TEX14: variants seen among roughly 807,000 people sequenced by gnomAD.
TEX14 encodes inactive serine/threonine-protein kinase TEX14.
TEX14 carries 168 observed loss-of-function variants against 178.6 expected under a neutral mutation model. The ratio of observed to expected loss-of-function variants is 0.94; its 90% CI spans 0.83 to 1.07. The LOEUF (loss-of-function observed/expected upper bound fraction) is 1.07, where lower values mean the gene tolerates loss of function less well. Among genes scored for constraint, TEX14 ranks in the 50% least tolerant of loss-of-function variants. TEX14 has a pLI of 0.00. For missense variants in TEX14, 1,730 were observed against 1,753.6 expected (o/e 0.99, Z 0.24); for synonymous variants, 626 against 634.1 (o/e 0.99, Z 0.19).
At chr17:58,570,929 C>A (rs1021173296) in intron 24 of TEX14, among the ~76,000 whole-genome samples, 4 of 152,094 alleles carry the variant, frequency 2.6e-5, no homozygotes, top group African/African-American at 9.6e-5. Flanking sequence ...CTGCATCTGG[C>A]CTGGGAAGCC....
At chr17:58,685,996 CA>C (rs34156664) in intron 1 of TEX14, among the ~76,000 whole-genome samples, 207 of 82,624 alleles carry the variant, frequency 2.5e-3, no homozygotes, top group Middle Eastern at 8.3e-3. Flanking sequence ...CTCTGTCTCA[CA>C]AAAAAAAAAA....
Position 58,557,907 on chromosome 17 carries a change from G to A in TEX14, c.4268-57C>T, listed in dbSNP as rs536505724. Reference sequence around the variant, plus strand: ...ACATGATTAATTTCTAGGTCAAAGGGTGCCAGTATTCATATTAGTGCTCCC... The same window carrying A: ...ACATGATTAATTTCTAGGTCAAAGGATGCCAGTATTCATATTAGTGCTCCC... On this transcript the variant is annotated intron_variant, in intron 30 of 31. Coordinates refer to ENST00000349033, the MANE Select transcript of TEX14 (RefSeq NM_031272.5). The A allele has an allele frequency of 1.1e-5, 16 of 1,400,492 alleles. 1 individual carries two copies. The Middle Eastern group carries it at 5.4e-4, about 48-fold the overall frequency. The allele number at this position is 1,400,492 out of a possible 1,614,324, so 86.8% of individuals were successfully genotyped here. A position where few individuals can be genotyped will look rare whatever the true frequency, so the allele number is the denominator to read the frequency against.
chr17:58,683,805 G>A (rs1315684772), intron 1 of TEX14, among the ~76,000 whole-genome samples: 3 of 151,242 alleles, frequency 2.0e-5, no homozygotes, highest in Non-Finnish European at 4.4e-5. Flanking sequence ...AGTGGTTCCC[G>A]CCTGTAATCC....
At position 58,616,259 on chromosome 17, in the gene TEX14, G is replaced by A. The variant is rs780055346; in HGVS notation, c.683C>T (p.Pro228Leu). The stretch of plus-strand genomic sequence containing the variant: ...AATCACTTCCTTTTCTCCAATGACC[G>A]GAAGAGATCCTAGATAGGCCATCTG... ...ATQMAYLGSL[P>L]VIGEKEVIQA... The change falls in exon 7 of 32, where the codon CCG becomes CTG. Residue 228 changes from proline (P) to leucine (L), a missense_variant. Coordinates refer to ENST00000349033, the MANE Select transcript of TEX14 (RefSeq NM_031272.5). 2.4e-5 allele frequency: 38 copies of A among 1,613,822 alleles called. 1 individual carries two copies. The highest frequency in any genetic ancestry group is 2.0e-4 in the East Asian group (9 of 44,864).
chr17:58,623,181 T>TACACAC lies in TEX14; in HGVS notation c.252-175_252-170dup, dbSNP rs34181308. 9.5e-4 allele frequency among the ~76,000 whole-genome samples: 139 copies of TACACAC among 146,826 alleles called. 1 individual carries two copies. The highest frequency in any genetic ancestry group is 2.7e-3 in the African/African-American group (109 of 40,412). Reference sequence around the variant, plus strand: ...TGTCTGTGCCCACAGGAACTTTCTGTACACACACACACACACACACACACA... The same window carrying TACACAC: ...TGTCTGTGCCCACAGGAACTTTCTGTACACACACACACACACACACACACACACACA... On this transcript the variant is annotated intron_variant, in intron 3 of 31. Transcript: ENST00000349033.
chr17:58,614,363 G>A (rs912018104), intron 8 of TEX14, among the ~76,000 whole-genome samples: 13 of 152,302 alleles, frequency 8.5e-5, no homozygotes, highest in South Asian at 4.1e-4. Context: ...AGTGGCGCAC[G>A]CCAGTAGTCC....
chr17:58,591,203 C>A (rs1423380872), intron 15 of TEX14, among the ~76,000 whole-genome samples: 2 of 152,156 alleles, frequency 1.3e-5, no homozygotes, highest in Non-Finnish European at 2.9e-5. Flanking sequence ...TTATTCCCTT[C>A]ATAGGAATAA....
chr17:58,649,073 G>A (rs1170827289), intron 2 of TEX14, among the ~76,000 whole-genome samples: 1 of 143,422 alleles, frequency 7.0e-6, no homozygotes, highest in Non-Finnish European at 1.5e-5. Flanking sequence ...CACCACGCCC[G>A]GCCTCTTTTT....
At chr17:58,684,377 G>T (rs988787935) in intron 1 of TEX14, among the ~76,000 whole-genome samples, 1 of 151,514 alleles carries the variant, frequency 6.6e-6, no homozygotes, top group African/African-American at 2.4e-5. Context: ...CAGGAGAATC[G>T]CTTGAACACG....
chr17:58,624,154 G>GC (rs2046075825), intron 3 of TEX14, among the ~76,000 whole-genome samples: 1 of 151,812 alleles, frequency 6.6e-6, no homozygotes, highest in Non-Finnish European at 1.5e-5. Context: ...CGTAGGTGGT[G>GC]CATACCTGTA....
chr17:58,678,559 G>T, intron 1 of TEX14, among the ~76,000 whole-genome samples: 1 of 152,000 alleles, frequency 6.6e-6, no homozygotes, highest in Admixed American at 6.6e-5. Flanking sequence ...ATCATTCTGA[G>T]CAAACTTTGC....
rs772154999 is a variant in TEX14 at position 58,572,018 on chromosome 17, G to A, written c.3620C>T (p.Thr1207Ile). 3.7e-6 allele frequency: 6 copies of A among 1,613,958 alleles called. No individual in the cohort carries two copies. The highest frequency in any genetic ancestry group is 5.1e-6 in the Non-Finnish European group (6 of 1,179,982). ...SCWNSQEFIQ[T>I]LSDDFISVRE... ...GACACTTATAAAGTCATCAGACAAA[G>A]TTTGAATAAATTCTTGACTGTTCCA... The change falls in exon 24 of 32, where the codon ACT (threonine) becomes ATT (isoleucine). Residue 1207 changes from threonine (T) to isoleucine (I), a missense_variant. By Grantham distance (89) the Thr-to-Ile change is moderately conservative (BLOSUM62 -1). This residue lies in a region of TEX14 where 941 missense variants were observed against 1,072.4 expected (regional missense o/e 0.88). Transcript: ENST00000349033.
intron 1 of TEX14, among the ~76,000 whole-genome samples, chr17:58,652,487 C>T (rs1037045938): frequency 3.3e-5 from 5 of 152,228 alleles, no homozygotes; most frequent in South Asian, 2.1e-4. Context: ...TGAAGAAGGA[C>T]GTGTTTGCTT....
chr17:58,691,779 GC>G (rs2047734546), intron 1 of TEX14, among the ~76,000 whole-genome samples, 159 bp downstream of exon 1: 1 of 151,610 alleles, frequency 6.6e-6, no homozygotes, highest in Admixed American at 6.6e-5. Context: ...TAAACTGCTT[GC>G]CTTCCTCCCC....
At chr17:58,570,784 C>T (rs778961954) in intron 24 of TEX14, among the ~76,000 whole-genome samples, 3 of 151,956 alleles carry the variant, frequency 2.0e-5, no homozygotes, top group Non-Finnish European at 2.9e-5. Flanking sequence ...TACCACCACG[C>T]CCAGCCAAAT....
intron 1 of TEX14, among the ~76,000 whole-genome samples, chr17:58,691,523 C>T (rs1312984693): frequency 1.3e-5 from 2 of 151,800 alleles, no homozygotes; most frequent in Non-Finnish European, 2.9e-5. Flanking sequence ...AAAAATTAGC[C>T]GGGCATGGTG....
chr17:58,632,551 C>T (rs959988648), intron 2 of TEX14, among the ~76,000 whole-genome samples: 1 of 152,114 alleles, frequency 6.6e-6, no homozygotes, highest in African/African-American at 2.4e-5. Context: ...CAGTAGCTTC[C>T]CATTTGTTAA....
intron 13 of TEX14, 135 bp downstream of exon 13, chr17:58,601,671 G>A (rs2045449768): frequency 2.5e-6 from 2 of 796,890 alleles, no homozygotes; most frequent in East Asian, 5.1e-5. Context: ...TCCAGTCTGG[G>A]CAATAGAGCT....
intron 7 of TEX14, 84 bp from the exon 8 acceptor site, chr17:58,615,429 C>A: frequency 1.1e-6 from 1 of 870,318 alleles, no homozygotes. Flanking sequence ...AAGCAAGGAC[C>A]AGAGAAATGG....
Sources: allele counts gnomAD v4.1 joint callset (sites outside exome capture counted in the v4.1 genomes callset), GRCh38; gene constraint gnomAD v4.1.1; regional missense constraint gnomAD v4.1.1; transcripts MANE v1.5; gene names NCBI Gene and HGNC (gene_info 2026-07-23, HGNC 2026-07-21).